The following FADS2 variants were observed in gnomAD, a reference collection of about 807,000 sequenced individuals.
FADS2 encodes the protein fatty acid desaturase 2.
A neutral mutation model predicts 61.2 loss-of-function variants in FADS2; 18 were observed. The ratio of observed to expected loss-of-function variants is 0.29; its 90% CI spans 0.20 to 0.44. The LOEUF is 0.44. Among genes scored for constraint, FADS2 ranks in the 20% least tolerant of loss-of-function variants. The pLI, the probability that FADS2 is intolerant of heterozygous loss-of-function variation, is 1.00. For synonymous variants in FADS2, 203 were observed against 223.9 expected (o/e 0.91, Z 0.83); for missense variants, 322 against 572.7 (o/e 0.56, Z 4.47).
At chr11:61,864,384 T>C (rs796969119) in intron 10 of FADS2, among the ~76,000 whole-genome samples, 7 of 151,928 alleles carry the variant, frequency 4.6e-5, no homozygotes, top group African/African-American at 1.4e-4. Flanking sequence ...TTTCTTTTTT[T>C]TTTTACTTTT....
At chr11:61,848,669 G>GT (rs911312011) in intron 5 of FADS2, 8 of 183,932 alleles carry the variant, frequency 4.3e-5, no homozygotes, top group Non-Finnish European at 5.7e-5. Flanking sequence ...TTTCTGGCTT[G>GT]TTTTTTCCCA....
intron 2 of FADS2, among the ~76,000 whole-genome samples, chr11:61,840,011 G>A (rs1023068230): frequency 2.4e-4 from 36 of 152,180 alleles, no homozygotes; most frequent in African/African-American, 7.5e-4. Flanking sequence ...CATCCATCAC[G>A]AGATCTTTGT....
Position 61,837,901 on chromosome 11 carries a change from T to C in FADS2, c.318+13T>C. Reference sequence around the variant, plus strand: ...CCACGGCAAGAACGTAAGTCTGGCTTGCAACCTGGGTGGGGGTGGAGACGA... The same window carrying C: ...CCACGGCAAGAACGTAAGTCTGGCTCGCAACCTGGGTGGGGGTGGAGACGA... On this transcript the variant is annotated intron_variant, in intron 2 of 11. Coordinates refer to ENST00000278840, the MANE Select transcript of FADS2 (RefSeq NM_004265.4). 6.3e-7 allele frequency: 1 copy of C among 1,594,410 alleles called. No homozygotes were observed. Among genetic ancestry groups the C allele is most frequent in the Non-Finnish European group, 8.6e-7 (1 of 1,164,358 alleles).
Position 61,816,729 on chromosome 11 carries a change from G to T in FADS2, c.141+303G>T. The T allele has an allele frequency of 1.3e-6, 2 of 1,559,924 alleles. No individual in the cohort carries two copies. Among genetic ancestry groups the T allele is most frequent in the East Asian group, 2.4e-5 (1 of 41,914 alleles). ...AGCGCGGGGTAGGTCCCTGAGCCGC[G>T]GTCTCGGCGGCCACCGGGTCGGGGG... On this transcript the variant is annotated intron_variant, in intron 1 of 11. Transcript: ENST00000257261. This position sits in a 1 kb window ranked among gnomAD's most constrained non-coding sequence, Gnocchi z 7.0.
At chr11:61,827,197 A>G (rs539342612), upstream of FADS2, among the ~76,000 whole-genome samples, 1 of 152,196 alleles carries the variant, frequency 6.6e-6, no homozygotes, top group East Asian at 1.9e-4. The surrounding 1 kb of genome is among the most constrained non-coding windows in gnomAD (Gnocchi z 4.5). Flanking sequence ...CTCTTGCCCC[A>G]CGCCTAAAAG....
At chr11:61,821,520 G>A (rs2067036392) in intron 1 of FADS2, 2 of 683,698 alleles carry the variant, frequency 2.9e-6, no homozygotes, top group East Asian at 2.7e-5. Flanking sequence ...CATAATAGTT[G>A]GCCAATAGCC....
intron 1 of FADS2, among the ~76,000 whole-genome samples, chr11:61,821,207 A>T (rs2067034004): frequency 6.6e-6 from 1 of 152,218 alleles, no homozygotes; most frequent in Non-Finnish European, 1.5e-5. Flanking sequence ...CTCAAGGAAC[A>T]GAACGAAATG....
chr11:61,841,275 C>T (rs886564583), intron 4 of FADS2, among the ~76,000 whole-genome samples: 1 of 152,052 alleles, frequency 6.6e-6, no homozygotes, highest in African/African-American at 2.4e-5. Context: ...CGGTATCAAA[C>T]TTCTGACCTT....
At chr11:61,837,979 A>T in intron 2 of FADS2, 91 bp downstream of exon 2, 3 of 879,016 alleles carry the variant, frequency 3.4e-6, no homozygotes, top group Non-Finnish European at 5.5e-6. Flanking sequence ...CATGACCAGT[A>T]ACTGGGGCTG....
chr11:61,820,154 A>T (rs1041866346), intron 1 of FADS2, among the ~76,000 whole-genome samples: 2 of 151,986 alleles, frequency 1.3e-5, no homozygotes, highest in Non-Finnish European at 2.9e-5. Flanking sequence ...ACCTCAGAAA[A>T]AACCAAAAAA....
intron 1 of FADS2, among the ~76,000 whole-genome samples, chr11:61,832,937 G>A (rs1441566500): frequency 2.0e-5 from 3 of 152,198 alleles, no homozygotes; most frequent in African/African-American, 7.2e-5. Flanking sequence ...CAGAGGACAT[G>A]GGCACGGCCA....
At chr11:61,862,801 G>A (rs907043286) in intron 7 of FADS2, 171 bp from the exon 8 acceptor site, 29 of 618,994 alleles carry the variant, frequency 4.7e-5, no homozygotes, top group Middle Eastern at 3.5e-4. Flanking sequence ...AACAAAGGCA[G>A]CCATGCAAAC....
chr11:61,821,453 T>C, intron 1 of FADS2: 1 of 701,354 alleles, frequency 1.4e-6, no homozygotes. Context: ...CAGTGGCTGT[T>C]GGAATAACCT....
chr11:61,855,787 A>C (rs1433194083), intron 5 of FADS2: 1 of 152,316 alleles, frequency 6.6e-6, no homozygotes, highest in African/African-American at 2.4e-5. Context: ...TGGCCTAGGC[A>C]TCATCCAAGG....
Position 61,822,055 on chromosome 11 carries a change from C to T in FADS2, c.141+5629C>T, listed in dbSNP as rs886213115. Reference sequence around the variant, plus strand: ...TGCTGTCTTGGCTCACTGCAACCTCCGCCTCCAGGGCTCACGCCATTCTCC... The same window carrying T: ...TGCTGTCTTGGCTCACTGCAACCTCTGCCTCCAGGGCTCACGCCATTCTCC... On this transcript the variant is annotated intron_variant, in intron 1 of 11. Coordinates refer to the FADS2 transcript ENST00000257261. Among the ~76,000 whole-genome samples the T allele has an allele frequency of 6.6e-5, 10 of 152,240 alleles. No homozygotes were observed. In the East Asian group the frequency reaches 1.2e-3, roughly 18 times the overall value.
At chr11:61,854,015 G>T (rs1419801981) in intron 5 of FADS2, among the ~76,000 whole-genome samples, 8 of 152,230 alleles carry the variant, frequency 5.3e-5, no homozygotes, top group Non-Finnish European at 1.2e-4. Context: ...CGCCAGGGCT[G>T]GCTGCACTCC....
At chr11:61,863,451 G>C in intron 9 of FADS2, 73 bp downstream of exon 9, 1 of 1,191,072 alleles carries the variant, frequency 8.4e-7, no homozygotes, top group Non-Finnish European at 1.3e-6. Context: ...ATCTGCACCT[G>C]CTAACACAGG....
intron 7 of FADS2, 111 bp downstream of exon 7, chr11:61,857,641 C>T (rs989872909): frequency 1.2e-6 from 1 of 843,262 alleles, no homozygotes. Context: ...TGTGGGGCCC[C>T]AGGCATCTCC....
intron 1 of FADS2, among the ~76,000 whole-genome samples, chr11:61,833,673 T>C (rs893638024): frequency 3.3e-5 from 5 of 152,260 alleles, no homozygotes; most frequent in Admixed American, 2.6e-4. Context: ...GCCACTCCCA[T>C]GGCCCCGTGG....
Sources: gnomAD v4.1 joint callset for allele counts (sites outside exome capture counted in the v4.1 genomes callset) on GRCh38, gnomAD v4.1.1 for gene constraint, Gnocchi (gnomAD v3.1) non-coding constraint, MANE v1.5 for transcripts, NCBI Gene and HGNC (gene_info 2026-07-23, HGNC 2026-07-21) for gene names.